Variants in TOX observed in about 807,000 individuals in gnomAD.
The protein encoded by TOX is thymocyte selection-associated high mobility group box protein TOX.
TOX carries 11 observed loss-of-function variants against 53.7 expected under a neutral mutation model. That is an observed-to-expected ratio of 0.20 (90% CI 0.13 to 0.34). The LOEUF (loss-of-function observed/expected upper bound fraction) is 0.34, where lower values mean the gene tolerates loss of function less well. Among genes scored for constraint, TOX ranks in the 10% least tolerant of loss-of-function variants. TOX has a pLI of 1.00. For missense variants in TOX, 570 were observed against 664.6 expected, an observed-to-expected ratio of 0.86 and a Z score of 1.56; for synonymous variants, 225 against 245.3, an observed-to-expected ratio of 0.92 and a Z score of 0.77.
At chr8:59,074,439 T>C (rs1804256258) in intron 1 of TOX, among the ~76,000 whole-genome samples, 2 of 152,170 alleles carry the variant, frequency 1.3e-5, no homozygotes. Flanking sequence ...CAATAAGTAC[T>C]GAATGAACAT....
chr8:58,902,148 TATC>T (rs1191634301), intron 3 of TOX, among the ~76,000 whole-genome samples: 1 of 152,206 alleles, frequency 6.6e-6, no homozygotes, highest in African/African-American at 2.4e-5. Flanking sequence ...TTAGGGAAAC[TATC>T]ATTACGAGTA....
chr8:58,974,870 T>C (rs926486801), intron 1 of TOX, among the ~76,000 whole-genome samples: 2 of 152,148 alleles, frequency 1.3e-5, no homozygotes, highest in African/African-American at 4.8e-5. Context: ...GATGGCACTA[T>C]TAATTTTATG....
chr8:58,953,373 C>G (rs753228333), intron 2 of TOX, among the ~76,000 whole-genome samples: 3 of 152,094 alleles, frequency 2.0e-5, no homozygotes, highest in Non-Finnish European at 4.4e-5. Flanking sequence ...ATGTAAGAAG[C>G]CAATTTAGGA....
At chr8:58,948,852 A>C (rs1188229157) in intron 2 of TOX, among the ~76,000 whole-genome samples, 2 of 152,220 alleles carry the variant, frequency 1.3e-5, no homozygotes, top group Non-Finnish European at 2.9e-5. Context: ...ATAGGAAAAA[A>C]AAATCACCTT....
intron 3 of TOX, among the ~76,000 whole-genome samples, chr8:58,933,106 G>T (rs558297157): frequency 6.6e-6 from 1 of 152,260 alleles, no homozygotes; most frequent in South Asian, 2.1e-4. Flanking sequence ...TCTACAAAAA[G>T]CCCAGGTTCT....
intron 3 of TOX, among the ~76,000 whole-genome samples, chr8:58,926,213 C>T (rs1056154784): frequency 1.3e-5 from 2 of 152,162 alleles, no homozygotes; most frequent in East Asian, 3.8e-4. Flanking sequence ...ACAACCCTAT[C>T]CCCAGAGGCT....
intron 1 of TOX, among the ~76,000 whole-genome samples, chr8:59,062,237 G>A (rs575199061): frequency 2.6e-5 from 4 of 152,288 alleles, no homozygotes; most frequent in Admixed American, 6.5e-5. Flanking sequence ...AGTGGAAAAG[G>A]AGGAGGTCCT....
chr8:58,891,004 C>A (rs1037792061), intron 3 of TOX, among the ~76,000 whole-genome samples: 1 of 152,082 alleles, frequency 6.6e-6, no homozygotes, highest in African/African-American at 2.4e-5. Flanking sequence ...GCACACTGAT[C>A]TCTGAGGTGC....
At chr8:58,949,888 T>C (rs1028660168) in intron 2 of TOX, among the ~76,000 whole-genome samples, 6 of 123,444 alleles carry the variant, frequency 4.9e-5, no homozygotes, top group African/African-American at 1.8e-4. Flanking sequence ...TACAATTACA[T>C]GTGTATAGTT....
intron 1 of TOX, among the ~76,000 whole-genome samples, chr8:59,022,139 C>A (rs1814147556): frequency 6.6e-6 from 1 of 152,154 alleles, no homozygotes; most frequent in South Asian, 2.1e-4. Context: ...ATCATGATAT[C>A]AATTTAGATT....
chr8:58,896,135 A>C (rs1366673655), intron 3 of TOX, among the ~76,000 whole-genome samples: 1 of 152,116 alleles, frequency 6.6e-6, no homozygotes, highest in Non-Finnish European at 1.5e-5. Flanking sequence ...ACGTTTGGCT[A>C]TGTCAAAAAG....
At chr8:58,822,329 C>T (rs1222153893) in intron 6 of TOX, among the ~76,000 whole-genome samples, 1 of 152,220 alleles carries the variant, frequency 6.6e-6, no homozygotes, top group Non-Finnish European at 1.5e-5. Context: ...TACCTTCTAA[C>T]TTTCGGCCTT....
At chr8:58,975,477 A>G (rs937343504) in intron 1 of TOX, among the ~76,000 whole-genome samples, 17 of 152,180 alleles carry the variant, frequency 1.1e-4, no homozygotes, top group African/African-American at 4.1e-4. Context: ...TTTGTTCTAG[A>G]CCATCACAAT....
At chr8:58,848,439 T>C (rs1810754839) in intron 4 of TOX, among the ~76,000 whole-genome samples, 1 of 152,114 alleles carries the variant, frequency 6.6e-6, no homozygotes, top group Non-Finnish European at 1.5e-5. Flanking sequence ...TAAAAGCTCA[T>C]TTAACTACAC....
At chr8:59,072,984 G>C (rs1804225059) in intron 1 of TOX, among the ~76,000 whole-genome samples, 1 of 151,968 alleles carries the variant, frequency 6.6e-6, no homozygotes, top group Non-Finnish European at 1.5e-5. Context: ...TATGTGACAG[G>C]GCAGCTACTT....
chr8:59,067,285 G>T (rs1804110153), intron 1 of TOX, among the ~76,000 whole-genome samples: 1 of 152,142 alleles, frequency 6.6e-6, no homozygotes, highest in Non-Finnish European at 1.5e-5. Context: ...CGGCCGAGGG[G>T]GCTCACCCCC....
chr8:59,061,807 G>A (rs2129421990), intron 1 of TOX, among the ~76,000 whole-genome samples: 1 of 152,184 alleles, frequency 6.6e-6, no homozygotes, highest in African/African-American at 2.4e-5. Context: ...CAGAGCTAGA[G>A]AAAAGCAAAA....
At chr8:59,084,487 T>C (rs1315480742) in intron 1 of TOX, among the ~76,000 whole-genome samples, 3 of 152,208 alleles carry the variant, frequency 2.0e-5, no homozygotes, top group Non-Finnish European at 4.4e-5. Context: ...AAACTACTAA[T>C]AATTCGTAGG....
chr8:58,895,495 A>G (rs1164096782), intron 3 of TOX, among the ~76,000 whole-genome samples: 1 of 152,180 alleles, frequency 6.6e-6, no homozygotes, highest in Admixed American at 6.5e-5. Context: ...AGAAGAGGAA[A>G]AACTTTGGAG....
Sources: allele counts gnomAD v4.1 joint callset (sites outside exome capture counted in the v4.1 genomes callset), GRCh38; gene constraint gnomAD v4.1.1; transcripts MANE v1.5; gene names NCBI Gene and HGNC (gene_info 2026-07-23, HGNC 2026-07-21).